The following CDH10 variants were observed in gnomAD, a reference collection of about 807,000 sequenced individuals.
The protein encoded by CDH10 is cadherin-10.
A neutral mutation model predicts 73.1 loss-of-function variants in CDH10; 30 were observed. The observed-to-expected ratio is 0.41, with a 90% CI of 0.31 to 0.56. The LOEUF is 0.56. Among genes scored for constraint, CDH10 ranks in the 20% least tolerant of loss-of-function variants. The pLI is 0.27. For missense variants in CDH10, 815 were observed against 973.7 expected (o/e 0.84, Z 2.17); for synonymous variants, 345 against 348.2 (o/e 0.99, Z 0.10).
intron 5 of CDH10, among the ~76,000 whole-genome samples, chr5:24,522,337 G>A (rs1282027542): frequency 6.6e-6 from 1 of 152,030 alleles, no homozygotes; most frequent in Non-Finnish European, 1.5e-5. Flanking sequence ...CATTAAGTGT[G>A]ATAACTCAAT....
At chr5:24,563,699 G>A (rs1270295722) in intron 2 of CDH10, among the ~76,000 whole-genome samples, 1 of 149,652 alleles carries the variant, frequency 6.7e-6, no homozygotes, top group East Asian at 2.0e-4. Context: ...GAACCTGGGA[G>A]GCGGAGCTTG....
intron 2 of CDH10, among the ~76,000 whole-genome samples, chr5:24,570,525 T>A (rs1402637444): frequency 3.3e-5 from 5 of 152,118 alleles, no homozygotes; most frequent in Non-Finnish European, 7.3e-5. Flanking sequence ...ACTGCCCAAC[T>A]GTTGACGTTA....
intron 2 of CDH10, among the ~76,000 whole-genome samples, chr5:24,585,149 T>C (rs1745949059): frequency 6.6e-6 from 1 of 151,898 alleles, no homozygotes; most frequent in African/African-American, 2.4e-5. Flanking sequence ...CCCGGCCCAC[T>C]TAATTTTTAA....
chr5:24,542,687 C>T (rs945114048), intron 2 of CDH10, among the ~76,000 whole-genome samples: 1 of 152,176 alleles, frequency 6.6e-6, no homozygotes, highest in Non-Finnish European at 1.5e-5. Context: ...AAATATACTT[C>T]TCACTGTTCT....
At chr5:24,584,475 T>TGTGTGG (rs775491066) in intron 2 of CDH10, among the ~76,000 whole-genome samples, 1 of 79,690 alleles carries the variant, frequency 1.3e-5, no homozygotes, top group East Asian at 3.9e-4. Context: ...TGTGTGTGTG[T>TGTGTGG]GAGAGAGAGA....
intron 2 of CDH10, among the ~76,000 whole-genome samples, chr5:24,542,044 T>G (rs1359588036): frequency 6.6e-6 from 1 of 152,180 alleles, no homozygotes; most frequent in African/African-American, 2.4e-5. Context: ...TAAACAAATT[T>G]TTCAATGAAT....
chr5:24,617,361 T>C (rs924723809), intron 1 of CDH10, among the ~76,000 whole-genome samples: 3 of 152,210 alleles, frequency 2.0e-5, no homozygotes, highest in Non-Finnish European at 4.4e-5. Flanking sequence ...CCTAGAATAT[T>C]TGTATTGAGA....
chr5:24,573,773 G>A (rs10473702), intron 2 of CDH10, among the ~76,000 whole-genome samples: 138,746 of 147,974 alleles, frequency 0.94, 65,216 homozygotes, highest in South Asian at 0.99. Context: ...CATAATATAT[G>A]TATTTATATC....
intron 5 of CDH10, among the ~76,000 whole-genome samples, chr5:24,518,043 C>A (rs1355137373): frequency 1.3e-5 from 2 of 152,150 alleles, no homozygotes; most frequent in African/African-American, 4.8e-5. Flanking sequence ...GAGAGGGTGA[C>A]ACTGTGGTAT....
chr5:24,498,585 G>C (rs1742376874), intron 8 of CDH10, 66 bp from the exon 9 acceptor site: 1 of 1,056,042 alleles, frequency 9.5e-7, no homozygotes, highest in African/African-American at 1.6e-5. Flanking sequence ...AATTTATATA[G>C]GCATCTTGTG....
Position 24,635,985 on chromosome 5 carries a change from T to A in CDH10, c.-124+8609A>T, listed in dbSNP as rs1747854327. ...TACAAAATTATTACATAATACAAGT[T>A]AAAATATTTAAATATTTTAAAGTTG... On this transcript the variant is annotated intron_variant, in intron 1 of 11. Coordinates refer to ENST00000264463, the MANE Select transcript of CDH10 (RefSeq NM_006727.5). Among the ~76,000 whole-genome samples the A allele has an allele frequency of 2.0e-5, 3 of 152,030 alleles. No homozygotes were observed. In the South Asian group the frequency reaches 6.2e-4, roughly 31 times the overall value.
intron 2 of CDH10, among the ~76,000 whole-genome samples, chr5:24,544,165 A>G (rs554207558): frequency 6.6e-5 from 10 of 152,052 alleles, no homozygotes; most frequent in Non-Finnish European, 1.5e-4. Flanking sequence ...ATGGTGGTGC[A>G]TGTCTGTAGT....
intron 1 of CDH10, among the ~76,000 whole-genome samples, chr5:24,605,643 A>C (rs1746735159): frequency 6.6e-6 from 1 of 152,258 alleles, no homozygotes; most frequent in African/African-American, 2.4e-5. Flanking sequence ...TAGACACTTT[A>C]GAAAACAAAT....
At chr5:24,554,473 CGTGTGTGTGT>C (rs70965612) in intron 2 of CDH10, among the ~76,000 whole-genome samples, 53,035 of 149,228 alleles carry the variant, frequency 0.36, 11,198 homozygotes, top group East Asian at 0.51. Flanking sequence ...TCTCCCTATT[CGTGTGTGTGT>C]GTGTGTGTGT....
At chr5:24,601,867 T>A (rs1160779598) in intron 1 of CDH10, among the ~76,000 whole-genome samples, 1 of 152,164 alleles carries the variant, frequency 6.6e-6, no homozygotes, top group East Asian at 1.9e-4. Context: ...TCTCCAACAC[T>A]CATTACATTC....
chr5:24,572,221 C>A (rs977225973), intron 2 of CDH10, among the ~76,000 whole-genome samples: 7 of 152,118 alleles, frequency 4.6e-5, no homozygotes, highest in African/African-American at 1.7e-4. Context: ...GAAGTGAAGT[C>A]CGCCATCTTC....
chr5:24,616,131 A>G (rs1211245627), intron 1 of CDH10, among the ~76,000 whole-genome samples: 3 of 152,194 alleles, frequency 2.0e-5, no homozygotes, highest in Non-Finnish European at 4.4e-5. Flanking sequence ...AGTTAAAAAA[A>G]AAAAGAAAGA....
chr5:24,508,691 T>C (rs996863359), intron 7 of CDH10, among the ~76,000 whole-genome samples: 1 of 148,232 alleles, frequency 6.7e-6, no homozygotes, highest in Non-Finnish European at 1.5e-5. Flanking sequence ...GCTAATTTTT[T>C]AATTTTTTAT....
chr5:24,527,008 T>C (rs1463347388), intron 5 of CDH10, among the ~76,000 whole-genome samples: 1 of 151,720 alleles, frequency 6.6e-6, no homozygotes, highest in Non-Finnish European at 1.5e-5. Flanking sequence ...TTTTTTTGCC[T>C]GGAAAATTCT....
Sources: gnomAD v4.1 joint callset for allele counts (sites outside exome capture counted in the v4.1 genomes callset) on GRCh38, gnomAD v4.1.1 for gene constraint, MANE v1.5 for transcripts, NCBI Gene and HGNC (gene_info 2026-07-23, HGNC 2026-07-21) for gene names.